MMP26: variants seen among roughly 807,000 people sequenced by gnomAD.
The protein encoded by MMP26 is matrix metallopeptidase 26.
MMP26 carries 33 observed loss-of-function variants against 31.0 expected under a neutral mutation model. The ratio of observed to expected loss-of-function variants is 1.06; its 90% CI spans 0.81 to 1.42. The LOEUF is 1.42. MMP26 is among the 40% of genes most tolerant of loss of function. MMP26 has a pLI of 0.00. For synonymous variants in MMP26, 122 were observed against 114.9 expected, an observed-to-expected ratio of 1.06 and a Z score of -0.40; for missense variants, 347 against 316.1, an observed-to-expected ratio of 1.10 and a Z score of -0.74.
At chr11:4,989,549 C>T (rs1040824290) in intron 3 of MMP26, 99 bp from the exon 4 acceptor site, 13 of 895,058 alleles carry the variant, frequency 1.5e-5, no homozygotes, top group African/African-American at 3.3e-5. Context: ...GACTAAGTAC[C>T]GTCCTTCTGA....
At chr11:4,734,489 A>G (rs1848211551) in intron 1 of MMP26, among the ~76,000 whole-genome samples, 2 of 151,626 alleles carry the variant, frequency 1.3e-5, no homozygotes, top group African/African-American at 2.4e-5. Context: ...TAGGCTATTG[A>G]TTTATTTCCT....
intron 2 of MMP26, among the ~76,000 whole-genome samples, chr11:4,863,106 A>C (rs1353916166): frequency 2.0e-5 from 3 of 152,106 alleles, no homozygotes; most frequent in African/African-American, 7.2e-5. Context: ...AACATTCCTT[A>C]AGTTCTGAGA....
chr11:4,771,689 A>G (rs1187211241), intron 2 of MMP26, among the ~76,000 whole-genome samples: 1 of 152,222 alleles, frequency 6.6e-6, no homozygotes, highest in Non-Finnish European at 1.5e-5. Flanking sequence ...TCATGAGAGT[A>G]AATATTCTGT....
At chr11:4,802,349 T>A (rs1017580871) in intron 2 of MMP26, among the ~76,000 whole-genome samples, 1 of 152,212 alleles carries the variant, frequency 6.6e-6, no homozygotes, top group Non-Finnish European at 1.5e-5. Flanking sequence ...GAATAGAAAT[T>A]TAAAATGTTA....
chr11:4,971,647 T>C (rs1846667570), intron 2 of MMP26, among the ~76,000 whole-genome samples: 2 of 152,130 alleles, frequency 1.3e-5, no homozygotes, highest in Admixed American at 1.3e-4. Flanking sequence ...GATTTTGGCT[T>C]AGTCTGTTTT....
rs145068410 is a variant in MMP26 at position 4,890,242 on chromosome 11, C to T, written c.-144-97826C>T. 126 of 153,296 alleles carry T rather than the reference C, an allele frequency of 8.2e-4. 1 individual carries two copies. The highest frequency in any genetic ancestry group is 1.3e-3 in the Non-Finnish European group (88 of 68,226). 9.5% of individuals were successfully genotyped at this position (153,296 alleles called of 1,614,324 possible). A position where few individuals can be genotyped will look rare whatever the true frequency, so the allele number is the denominator to read the frequency against. On this transcript the variant is annotated intron_variant, in intron 2 of 7. Transcript: ENST00000380390. Reference sequence around the variant, plus strand: ...GGCCAAAACCGGTCAAAAGACATGACGAGAAGCACTGAGGACTCCATATCT... The same window carrying T: ...GGCCAAAACCGGTCAAAAGACATGATGAGAAGCACTGAGGACTCCATATCT...
intron 2 of MMP26, among the ~76,000 whole-genome samples, chr11:4,820,788 G>A (rs1379160796): frequency 2.0e-5 from 3 of 152,088 alleles, no homozygotes; most frequent in Non-Finnish European, 4.4e-5. Context: ...ATTCGTGTAC[G>A]ATCTATCTCC....
At chr11:4,745,492 C>T (rs1486272736) in intron 1 of MMP26, among the ~76,000 whole-genome samples, 3 of 152,182 alleles carry the variant, frequency 2.0e-5, no homozygotes, top group African/African-American at 7.2e-5. Flanking sequence ...GCAGAAAGTA[C>T]AGAATTCCCA....
At chr11:4,900,741 T>C (rs1368530661) in intron 2 of MMP26, among the ~76,000 whole-genome samples, 3 of 152,208 alleles carry the variant, frequency 2.0e-5, no homozygotes, top group Non-Finnish European at 4.4e-5. Context: ...TGCCACTTCA[T>C]CCCTCTGCCT....
At chr11:4,751,206 A>G (rs963299805) in intron 1 of MMP26, among the ~76,000 whole-genome samples, 1 of 152,156 alleles carries the variant, frequency 6.6e-6, no homozygotes, top group African/African-American at 2.4e-5. Context: ...ATCAATAAGT[A>G]TCTACTATGT....
chr11:4,857,821 A>G (rs186918535), intron 2 of MMP26, among the ~76,000 whole-genome samples: 9 of 152,100 alleles, frequency 5.9e-5, no homozygotes, highest in African/African-American at 1.7e-4. Flanking sequence ...ATGCAAAAAT[A>G]CTCAATAAAA....
chr11:4,758,145 T>C (rs1274125357), intron 1 of MMP26, among the ~76,000 whole-genome samples: 1 of 152,128 alleles, frequency 6.6e-6, no homozygotes, highest in Non-Finnish European at 1.5e-5. Context: ...TTGTGAAATA[T>C]CCATAGGCTA....
chr11:4,764,908 C>A (rs1848610655), intron 1 of MMP26, among the ~76,000 whole-genome samples: 1 of 142,922 alleles, frequency 7.0e-6, no homozygotes, highest in Non-Finnish European at 1.5e-5. Flanking sequence ...ACAAAGAATA[C>A]TAACATTTTC....
intron 2 of MMP26, chr11:4,848,073 G>GT: frequency 1.5e-6 from 1 of 686,786 alleles, no homozygotes; most frequent in South Asian, 2.2e-5. Flanking sequence ...GGGCTTGTAA[G>GT]TTTGCATCAA....
intron 2 of MMP26, among the ~76,000 whole-genome samples, chr11:4,808,388 C>T (rs913019382): frequency 1.3e-5 from 2 of 152,030 alleles, no homozygotes; most frequent in African/African-American, 4.8e-5. Flanking sequence ...AGAGGAAGAT[C>T]TGAACTTGGA....
At chr11:4,791,984 GC>G in intron 2 of MMP26, among the ~76,000 whole-genome samples, 1 of 151,944 alleles carries the variant, frequency 6.6e-6, no homozygotes, top group South Asian at 2.1e-4. Flanking sequence ...AGATTTTATA[GC>G]CTGAGTTCAA....
At chr11:4,874,640 T>C (rs948317564) in intron 2 of MMP26, among the ~76,000 whole-genome samples, 2 of 151,696 alleles carry the variant, frequency 1.3e-5, no homozygotes, top group Non-Finnish European at 2.9e-5. Context: ...TTATGATAAA[T>C]ACAAAGTTCA....
intron 2 of MMP26, chr11:4,822,325 C>A (rs1230451762): frequency 6.7e-7 from 1 of 1,500,390 alleles, no homozygotes; most frequent in Non-Finnish European, 8.9e-7. Context: ...TAAGCAGATT[C>A]AAAAGGCCAT....
At chr11:4,830,870 C>A (rs547436523) in intron 2 of MMP26, among the ~76,000 whole-genome samples, 1 of 149,080 alleles carries the variant, frequency 6.7e-6, no homozygotes, top group East Asian at 1.9e-4. Flanking sequence ...GGAAAAAATC[C>A]GTGAACAGAC....
Sources: gnomAD v4.1 joint callset for allele counts (sites outside exome capture counted in the v4.1 genomes callset) on GRCh38, gnomAD v4.1.1 for gene constraint, MANE v1.5 for transcripts, NCBI Gene and HGNC (gene_info 2026-07-23, HGNC 2026-07-21) for gene names.